The following MKX variants were observed in gnomAD, a reference collection of about 807,000 sequenced individuals.
The protein encoded by MKX is mohawk homeobox.
MKX carries 13 observed loss-of-function variants against 36.0 expected under a neutral mutation model. That is an observed-to-expected ratio of 0.36 (90% confidence interval 0.24 to 0.57). The LOEUF (loss-of-function observed/expected upper bound fraction) is 0.57, where lower values mean the gene tolerates loss of function less well. MKX is among the 20% of genes least tolerant of loss of function. The pLI is 0.79. For missense variants in MKX, 458 were observed against 456.4 expected (o/e 1.00, Z -0.03); for synonymous variants, 176 against 178.3 (o/e 0.99, Z 0.10).
chr10:27,703,146 T>C (rs1836689947), intron 5 of MKX, among the ~76,000 whole-genome samples: 1 of 152,168 alleles, frequency 6.6e-6, no homozygotes, highest in Non-Finnish European at 1.5e-5. Flanking sequence ...TCCAGTTTTT[T>C]AATTCCTAAA....
rs929347703 is a variant in MKX at position 27,675,276 on chromosome 10, T to C, written c.1012A>G (p.Ile338Val). 6.2e-7 allele frequency: 1 copy of C among 1,614,054 alleles called. No homozygotes were observed. Among genetic ancestry groups the C allele is most frequent in the Non-Finnish European group, 8.5e-7 (1 of 1,180,032 alleles). Residue 338 changes from isoleucine to valine, a missense_variant, in exon 7 of 7, where the codon ATA becomes GTA. Physicochemically the swap from Ile to Val is conservative, Grantham distance 29. Around this residue, in one of 3 missense-constraint regions of MKX, gnomAD observed 297 missense variants for 304.4 expected, o/e 0.98. Coordinates refer to ENST00000419761, the MANE Select transcript of MKX (RefSeq NM_173576.3). ...TSCIIQKSSHIAEVKTVKVPL... is the reference protein window; with the variant it reads ...TSCIIQKSSHVAEVKTVKVPL... ...ACTTTGACAGTCTTTACTTCTGCTA[T>C]ATGGGACGACTTCTGGATGATGCAG...
Position 27,743,274 on chromosome 10 carries a change from C to T in MKX, c.142G>A (p.Gly48Ser). Reference sequence around the variant, plus strand: ...CCGAGGTTGTCCTTGAGGGGCGGGCCGTCGGGAATGCCCACCTCGGGGCGG... The same window carrying T: ...CCGAGGTTGTCCTTGAGGGGCGGGCTGTCGGGAATGCCCACCTCGGGGCGG... ...HARPEVGIPD[G>S]PPLKDNLGLR... Residue 48 changes from glycine (G) to serine (S), a missense_variant, in exon 2 of 7, where the codon GGC becomes AGC. Physicochemically the swap from Gly to Ser is moderately conservative, Grantham distance 56. Coordinates refer to ENST00000419761, the MANE Select transcript of MKX (RefSeq NM_173576.3). The T allele has an allele frequency of 2.6e-6, 4 of 1,548,200 alleles. No individual in the cohort carries two copies. Among genetic ancestry groups the T allele is most frequent in the Non-Finnish European group, 3.5e-6 (4 of 1,152,778 alleles).
intron 5 of MKX, among the ~76,000 whole-genome samples, chr10:27,711,451 CTT>C (rs1836855152): frequency 1.0e-4 from 1 of 9,900 alleles, no homozygotes; most frequent in Non-Finnish European, 2.7e-4. Context: ...TTCTTTCTTT[CTT>C]TCTTTCTTTC....
rs752968438 is a variant in MKX at position 27,731,133 on chromosome 10, C to CAAA, written c.838+3320_838+3322dup. Among the ~76,000 whole-genome samples the CAAA allele has an allele frequency of 0.019, 1,335 of 68,678 alleles. 87 individuals are homozygous for CAAA. In the East Asian group the frequency reaches 0.21, roughly 11 times the overall value. 45.1% of individuals were successfully genotyped at this position (68,678 alleles called of 152,430 possible). A position where few individuals can be genotyped will look rare whatever the true frequency, so the allele number is the denominator to read the frequency against. On this transcript the variant is annotated intron_variant, in intron 5 of 6. Transcript: ENST00000419761. ...TGAGCGACAGAGCAAGACTCCATCT[C>CAAA]AAAAAAAAAAAAAAAAAGGAAAAAA...
chr10:27,733,657 C>T (rs1255736419), intron 5 of MKX, among the ~76,000 whole-genome samples: 2 of 152,124 alleles, frequency 1.3e-5, no homozygotes, highest in African/African-American at 2.4e-5. Context: ...ATTTTCAGGA[C>T]CCAGACTCTG....
Position 27,714,408 on chromosome 10 carries a change from A to T in MKX, c.838+20048T>A, listed in dbSNP as rs146626021. On this transcript the variant is annotated intron_variant, in intron 5 of 6. Coordinates refer to ENST00000419761, the MANE Select transcript of MKX (RefSeq NM_173576.3). The stretch of plus-strand genomic sequence containing the variant: ...AGGAATGTCATTGAGTCCCATTGTT[A>T]GAGAAAGCGCTTGACATTTTTTAAA... 3.3e-5 allele frequency among the ~76,000 whole-genome samples: 5 copies of T among 152,342 alleles called. No homozygotes were observed. In the East Asian group the frequency reaches 9.6e-4, roughly 29 times the overall value.
In MKX at chr10:27,691,501, C is replaced by A. The variant is rs912629936; in HGVS notation, c.839-15947G>T. On this transcript the variant is annotated intron_variant, in intron 5 of 6. Transcript: ENST00000419761. Reference sequence around the variant, plus strand: ...TGGATTTCTAATATTCCAGTAAGGGCCAACTAGCCATCTTACGCCTGTATC... The same window carrying A: ...TGGATTTCTAATATTCCAGTAAGGGACAACTAGCCATCTTACGCCTGTATC... Among the ~76,000 whole-genome samples, 12 of 152,186 alleles carry A rather than the reference C, an allele frequency of 7.9e-5. No homozygotes were observed. The South Asian group carries it at 2.5e-3, about 32-fold the overall frequency.
intron 5 of MKX, among the ~76,000 whole-genome samples, chr10:27,711,506 C>CTCT (rs1428403549): frequency 5.3e-4 from 11 of 20,882 alleles, no homozygotes; most frequent in Admixed American, 8.8e-4. Context: ...TTCTTTCCTT[C>CTCT]CTTCCTTCCT....
chr10:27,698,928 T>G lies in MKX; in HGVS notation c.839-23374A>C, dbSNP rs192459855. Among the ~76,000 whole-genome samples, 335 of 152,318 alleles carry G rather than the reference T, an allele frequency of 2.2e-3. 3 individuals carry two copies. The highest frequency in any genetic ancestry group is 7.8e-3 in the African/African-American group (323 of 41,560). On this transcript the variant is annotated intron_variant, in intron 5 of 6. Coordinates refer to ENST00000419761, the MANE Select transcript of MKX (RefSeq NM_173576.3). ...AACCACAGTATAATATCTTACCACA[T>G]ATATCTAAATATTTTTCCATATGCT... is the stretch of plus-strand genomic sequence containing the variant.
chr10:27,710,112 A>T (rs1392305064), intron 5 of MKX, among the ~76,000 whole-genome samples: 1 of 152,150 alleles, frequency 6.6e-6, no homozygotes, highest in Non-Finnish European at 1.5e-5. Flanking sequence ...CACAATTCTA[A>T]GGGCTCTCTA....
At chr10:27,678,676 G>C (rs1237325797) in intron 5 of MKX, among the ~76,000 whole-genome samples, 1 of 152,126 alleles carries the variant, frequency 6.6e-6, no homozygotes, top group East Asian at 1.9e-4. Flanking sequence ...CACGTGGAAG[G>C]AGAAGATGTA....
At chr10:27,694,886 C>A (rs554026628) in intron 5 of MKX, among the ~76,000 whole-genome samples, 97 of 147,100 alleles carry the variant, frequency 6.6e-4, no homozygotes, top group Middle Eastern at 3.4e-3. Context: ...AAACAAATTG[C>A]CTTTTTTTTT....
At chr10:27,727,459 T>C (rs1834516588) in intron 5 of MKX, among the ~76,000 whole-genome samples, 1 of 152,270 alleles carries the variant, frequency 6.6e-6, no homozygotes, top group Admixed American at 6.5e-5. Context: ...TTTTTGCAAG[T>C]GAAGCCAGAA....
chr10:27,743,181 C>A, intron 2 of MKX, 47 bp downstream of exon 2: 2 of 1,407,710 alleles, frequency 1.4e-6, no homozygotes, highest in Admixed American at 3.5e-5. Context: ...ACCACCCCCA[C>A]CCCTCCGGGC....
Position 27,741,483 on chromosome 10 carries a change from C to T in MKX, c.210G>A (p.Lys70=). 1 of 1,596,812 alleles carries T rather than the reference C, an allele frequency of 6.3e-7. No homozygotes were observed. Among genetic ancestry groups the T allele is most frequent in the Non-Finnish European group, 8.5e-7 (1 of 1,173,078 alleles). The part of the protein sequence containing the change: ...RRTGARQNGG[K]VRHKRQALQD... ...GCAGGGCCTGCCGCTTGTGCCTCAC[C>T]TTCCCGCCATTCTGCCGGGCGCTGG... Residue 70 remains lysine, a synonymous_variant, in exon 3 of 7, where the codon AAG becomes AAA. Transcript: ENST00000419761. This position sits in a 1 kb window ranked among gnomAD's most constrained non-coding sequence, Gnocchi z 5.1.
At chr10:27,700,219 T>C (rs1003073142) in intron 5 of MKX, among the ~76,000 whole-genome samples, 1 of 152,260 alleles carries the variant, frequency 6.6e-6, no homozygotes, top group Admixed American at 6.5e-5. Context: ...GGTATTACTT[T>C]GGAAGGTGTG....
chr10:27,714,957 C>T (rs1003152094), intron 5 of MKX, among the ~76,000 whole-genome samples: 2 of 152,138 alleles, frequency 1.3e-5, no homozygotes, highest in Non-Finnish European at 2.9e-5. Flanking sequence ...AGGGCCTGGA[C>T]CCTAGACCCC....
chr10:27,741,634 C>A lies in MKX; in HGVS notation c.189-130G>T, dbSNP rs1382897776. The A allele has an allele frequency of 3.2e-5, 35 of 1,088,448 alleles. No individual in the cohort carries two copies. The highest frequency in any genetic ancestry group is 4.0e-5 in the Non-Finnish European group (32 of 790,444). 67.4% of individuals were successfully genotyped at this position (1,088,448 alleles called of 1,614,324 possible). ...CTGCCTTGCGCCCCTGCTTTGCGCG[C>A]GCCCAGAGTGTTTGGGAGAGGCAGG... On this transcript the variant is annotated intron_variant, in intron 2 of 6. Coordinates refer to ENST00000419761, the MANE Select transcript of MKX (RefSeq NM_173576.3). The surrounding 1 kb of genome is among the most constrained non-coding windows in gnomAD (Gnocchi z 5.1).
chr10:27,698,944 T>C (rs1836604867), intron 5 of MKX, among the ~76,000 whole-genome samples: 1 of 152,228 alleles, frequency 6.6e-6, no homozygotes, highest in East Asian at 1.9e-4. Flanking sequence ...TAAATATTTT[T>C]CCATATGCTC....
Sources: allele counts gnomAD v4.1 joint callset (sites outside exome capture counted in the v4.1 genomes callset), GRCh38; gene constraint gnomAD v4.1.1; regional missense constraint gnomAD v4.1.1; non-coding constraint Gnocchi (gnomAD v3.1); transcripts MANE v1.5; gene names NCBI Gene and HGNC (gene_info 2026-07-23, HGNC 2026-07-21).